The following HCRTR2 variants were observed in gnomAD, a reference collection of about 807,000 sequenced individuals.
The protein encoded by HCRTR2 is hypocretin receptor 2.
A neutral mutation model predicts 49.0 loss-of-function variants in HCRTR2; 22 were observed. The ratio of observed to expected loss-of-function variants is 0.45; its 90% CI spans 0.32 to 0.64. The LOEUF is 0.64. Among genes scored for constraint, HCRTR2 ranks in the 30% least tolerant of loss-of-function variants. The pLI, the probability that HCRTR2 is intolerant of heterozygous loss-of-function variation, is 0.04. For missense variants in HCRTR2, 491 were observed against 559.4 expected (o/e 0.88, Z 1.23); for synonymous variants, 236 against 205.3 (o/e 1.15, Z -1.28).
chr6:55,109,956 A>G lies in HCRTR2; in HGVS notation c.-378+3411A>G, dbSNP rs567488757. Among the ~76,000 whole-genome samples, 4 of 152,308 alleles carry G rather than the reference A, an allele frequency of 2.6e-5. No individual in the cohort carries two copies. The South Asian group carries it at 8.3e-4, about 32-fold the overall frequency. On this transcript the variant is annotated intron_variant, in intron 1 of 7. Coordinates refer to the HCRTR2 transcript ENST00000615358. The stretch of plus-strand genomic sequence containing the variant: ...AAGTCAAGAAGAATGAAAGAATCTT[A>G]AGAGCTGTGAGTCAAAAGCATCAGG...
In HCRTR2 at chr6:55,255,198, A is replaced by C. The variant is rs1443203346; in HGVS notation, c.465A>C (p.Ala155=). The C allele has an allele frequency of 8.7e-6, 14 of 1,614,018 alleles. No individual in the cohort carries two copies. Among genetic ancestry groups the C allele is most frequent in the Non-Finnish European group, 1.2e-5 (14 of 1,179,962 alleles). The change falls in exon 3 of 7, where the codon GCA becomes GCC. Residue 155 remains alanine, a synonymous_variant. Transcript: ENST00000370862. ...GTATCGCCTTGGATCGGTGGTATGC[A>C]ATCTGTCACCCTTTGATGTTTAAGA... is the stretch of plus-strand genomic sequence containing the variant. ...LSCIALDRWY[A]ICHPLMFKST...
chr6:55,158,376 G>A (rs538868119), intron 1 of HCRTR2, among the ~76,000 whole-genome samples: 39 of 152,306 alleles, frequency 2.6e-4, no homozygotes, highest in Middle Eastern at 3.4e-3. Context: ...AAAACTGGGT[G>A]GATCTTTGGG....
At chr6:55,158,867 T>G (rs1764765961) in intron 1 of HCRTR2, among the ~76,000 whole-genome samples, 1 of 152,208 alleles carries the variant, frequency 6.6e-6, no homozygotes, top group African/African-American at 2.4e-5. Flanking sequence ...AAGGGGCAGC[T>G]GTGGGTGCAG....
intron 2 of HCRTR2, among the ~76,000 whole-genome samples, chr6:55,250,871 A>G (rs1312723595): frequency 6.6e-6 from 1 of 152,100 alleles, no homozygotes; most frequent in East Asian, 1.9e-4. Flanking sequence ...CAAGGGAAAA[A>G]ACTACTGGGT....
At chr6:55,130,159 C>T (rs1175049075) in intron 1 of HCRTR2, among the ~76,000 whole-genome samples, 1 of 151,934 alleles carries the variant, frequency 6.6e-6, no homozygotes, top group Non-Finnish European at 1.5e-5. Context: ...GTGACTTAAA[C>T]ATTTGATCAC....
At chr6:55,261,785 C>T (rs115241593) in intron 3 of HCRTR2, among the ~76,000 whole-genome samples, 69 of 152,064 alleles carry the variant, frequency 4.5e-4, no homozygotes, top group African/African-American at 1.6e-3. Context: ...TGGTAGCTAC[C>T]CAGAGGAAAA....
intron 4 of HCRTR2, among the ~76,000 whole-genome samples, chr6:55,273,253 T>A (rs1767009425): frequency 6.6e-6 from 1 of 151,992 alleles, no homozygotes. Context: ...GTAAGGGGAT[T>A]ATTGTTTCAT....
chr6:55,210,448 G>A (rs1466690099), intron 1 of HCRTR2, among the ~76,000 whole-genome samples: 1 of 152,126 alleles, frequency 6.6e-6, no homozygotes, highest in East Asian at 1.9e-4. Context: ...CATCTGGCCT[G>A]GGGCAATTCA....
In HCRTR2 at chr6:55,282,314, A is replaced by T; in HGVS notation, c.1195A>T (p.Thr399Ser). The T allele has an allele frequency of 6.2e-7, 1 of 1,613,848 alleles. No homozygotes were observed. Among genetic ancestry groups the T allele is most frequent in the African/African-American group, 1.3e-5 (1 of 75,044 alleles). Residue 399 changes from threonine to serine, a missense_variant, in exon 7 of 7, where the codon ACT becomes TCT. Transcript: ENST00000370862. Reference sequence around the variant, plus strand: ...GGAGGATCGGCTCACCAGGGGACGAACTAGCACAGAGAGCCGGAAGTCCTT... The same window carrying T: ...GGAGGATCGGCTCACCAGGGGACGATCTAGCACAGAGAGCCGGAAGTCCTT... ...RQEDRLTRGR[T>S]STESRKSLTT...
chr6:55,206,338 A>G (rs1254014604), intron 1 of HCRTR2, among the ~76,000 whole-genome samples: 1 of 152,148 alleles, frequency 6.6e-6, no homozygotes, highest in African/African-American at 2.4e-5. Flanking sequence ...TTGCAAGACA[A>G]TTAAAAACAA....
chr6:55,211,803 A>G (rs1435951730), intron 1 of HCRTR2, among the ~76,000 whole-genome samples: 1 of 152,060 alleles, frequency 6.6e-6, no homozygotes, highest in African/African-American at 2.4e-5. Flanking sequence ...TTCCTCTGGG[A>G]AGCTTTCTAT....
chr6:55,127,542 C>G (rs1251413753), intron 1 of HCRTR2, among the ~76,000 whole-genome samples: 1 of 152,150 alleles, frequency 6.6e-6, no homozygotes, highest in African/African-American at 2.4e-5. Context: ...TTCTTAAAAG[C>G]CTCTCCTGCA....
In HCRTR2 at chr6:55,255,390, T is replaced by C; in HGVS notation, c.646+11T>C. 1 of 1,613,890 alleles carries C rather than the reference T, an allele frequency of 6.2e-7. No individual in the cohort carries two copies. The highest frequency in any genetic ancestry group is 8.5e-7 in the Non-Finnish European group (1 of 1,179,858). ...ATGAGCGCTGGGGTGGTAAGTACCT[T>C]ATGGCCCATCAACTGACATTTATAT... On this transcript the variant is annotated intron_variant, in intron 3 of 6. Transcript: ENST00000370862.
At chr6:55,180,296 T>G in intron 1 of HCRTR2, among the ~76,000 whole-genome samples, 1 of 152,360 alleles carries the variant, frequency 6.6e-6, no homozygotes, top group African/African-American at 2.4e-5. Context: ...TGGTCCATGC[T>G]TATTCCATTA....
At chr6:55,163,258 C>CAAAAAAAAAAA in intron 1 of HCRTR2, among the ~76,000 whole-genome samples, 1 of 141,174 alleles carries the variant, frequency 7.1e-6, no homozygotes, top group East Asian at 2.3e-4. Context: ...AAACAAACAA[C>CAAAAAAAAAAA]AAAAAAAAAA....
At chr6:55,223,813 A>C (rs1298313134) in intron 1 of HCRTR2, among the ~76,000 whole-genome samples, 1 of 152,172 alleles carries the variant, frequency 6.6e-6, no homozygotes, top group Non-Finnish European at 1.5e-5. Context: ...TACTTCTTTT[A>C]CCTAATCAGC....
At chr6:55,185,289 G>A (rs1354892898) in intron 1 of HCRTR2, among the ~76,000 whole-genome samples, 1 of 152,126 alleles carries the variant, frequency 6.6e-6, no homozygotes. Flanking sequence ...TTTGGACACA[G>A]GAAAACCTAG....
chr6:55,229,130 C>A (rs1189467080), intron 1 of HCRTR2, among the ~76,000 whole-genome samples: 1 of 152,122 alleles, frequency 6.6e-6, no homozygotes, highest in Non-Finnish European at 1.5e-5. Context: ...CAAATGCTAG[C>A]AAGGATGTGG....
chr6:55,148,467 G>A (rs1205123980), intron 1 of HCRTR2, among the ~76,000 whole-genome samples: 3 of 152,072 alleles, frequency 2.0e-5, no homozygotes, highest in Admixed American at 2.0e-4. Context: ...ATATCAGATG[G>A]ATGTCAGGCA....
Sources: gnomAD v4.1 joint callset for allele counts (sites outside exome capture counted in the v4.1 genomes callset) on GRCh38, gnomAD v4.1.1 for gene constraint, MANE v1.5 for transcripts, NCBI Gene and HGNC (gene_info 2026-07-23, HGNC 2026-07-21) for gene names.